HIPK2: variants seen among roughly 807,000 people sequenced by gnomAD.
The protein encoded by HIPK2 is homeodomain interacting protein kinase 2.
HIPK2 carries 27 observed loss-of-function variants against 113.7 expected under a neutral mutation model. That is an observed-to-expected ratio of 0.24 (90% CI 0.17 to 0.33). The LOEUF is 0.33. Among genes scored for constraint, HIPK2 ranks in the 10% least tolerant of loss-of-function variants. The probability of loss-of-function intolerance (pLI) is 1.00; values close to 1 mark genes in which losing one functional copy is unlikely to be tolerated. For synonymous variants in HIPK2, 631 were observed against 642.2 expected (o/e 0.98, Z 0.26); for missense variants, 1,257 against 1,588.0 (o/e 0.79, Z 3.54).
At chr7:139,754,754 C>G (rs2117120516) in intron 1 of HIPK2, among the ~76,000 whole-genome samples, 1 of 152,292 alleles carries the variant, frequency 6.6e-6, no homozygotes, top group South Asian at 2.1e-4. Flanking sequence ...TGTCACACAG[C>G]AGCCTCCGTG....
chr7:139,620,621 G>A lies in HIPK2; in HGVS notation c.1620-58C>T, dbSNP rs181196643. 151 of 1,587,424 alleles carry A rather than the reference G, an allele frequency of 9.5e-5. 1 individual carries two copies. In the African/African-American group the frequency reaches 1.7e-3, roughly 18 times the overall value. Reference sequence around the variant, plus strand: ...CATAAGGGGAGGGGAAGAGGGTAACGTGGGATGAAGGGGAGAAAACAAAGG... The same window carrying A: ...CATAAGGGGAGGGGAAGAGGGTAACATGGGATGAAGGGGAGAAAACAAAGG... On this transcript the variant is annotated intron_variant, in intron 6 of 14. Transcript: ENST00000406875.
chr7:139,628,004 G>C (rs970073364), intron 5 of HIPK2, among the ~76,000 whole-genome samples: 2 of 152,164 alleles, frequency 1.3e-5, no homozygotes, highest in African/African-American at 4.8e-5. Context: ...GGTCATACTC[G>C]ATTAGGGTGG....
At position 139,600,600 on chromosome 7, in the gene HIPK2, A is replaced by C. The variant is rs1355245159; in HGVS notation, c.2256-4T>G. 2 of 1,613,504 alleles carry C rather than the reference A, an allele frequency of 1.2e-6. No individual in the cohort carries two copies. The highest frequency in any genetic ancestry group is 1.7e-6 in the Non-Finnish European group (2 of 1,179,516). Reference sequence around the variant, plus strand: ...GCTTCCGTGAGCATGCGTATTTCTGAAAGGCAACCGGGACAACAAGGTGCC... The same window carrying C: ...GCTTCCGTGAGCATGCGTATTTCTGCAAGGCAACCGGGACAACAAGGTGCC... On this transcript the variant is annotated splice_polypyrimidine_tract_variant and splice_region_variant and intron_variant, in intron 10 of 14. Transcript: ENST00000406875.
chr7:139,623,814 C>G (rs1023362590), intron 6 of HIPK2, among the ~76,000 whole-genome samples: 1 of 152,134 alleles, frequency 6.6e-6, no homozygotes, highest in African/African-American at 2.4e-5. Flanking sequence ...CAGCAGGGCC[C>G]GCCATGATAC....
chr7:139,737,550 G>A (rs1242204608), intron 1 of HIPK2, among the ~76,000 whole-genome samples: 2 of 152,234 alleles, frequency 1.3e-5, no homozygotes, highest in Admixed American at 6.5e-5. Flanking sequence ...GCTGAAAATC[G>A]CTAGAAGCCC....
intron 9 of HIPK2, among the ~76,000 whole-genome samples, chr7:139,605,447 A>G (rs992756882): frequency 4.6e-5 from 7 of 152,158 alleles, no homozygotes; most frequent in African/African-American, 1.7e-4. Flanking sequence ...TCTTTCTATC[A>G]GAGTGGATGT....
At position 139,613,372 on chromosome 7, in the gene HIPK2, A is replaced by T. The variant is rs1799907177; in HGVS notation, c.1991-49T>A. 6.2e-7 allele frequency: 1 copy of T among 1,601,008 alleles called. No homozygotes were observed. The highest frequency in any genetic ancestry group is 8.5e-7 in the Non-Finnish European group (1 of 1,173,404). ...AGAAGGGTTAGCTGAGACGCTGTGA[A>T]CAGCTGGATGAAAAGAACCTTCCTG... On this transcript the variant is annotated intron_variant, in intron 8 of 14. Coordinates refer to ENST00000406875, the MANE Select transcript of HIPK2 (RefSeq NM_022740.5). This position sits in a 1 kb window ranked among gnomAD's most constrained non-coding sequence, Gnocchi z 4.2.
chr7:139,741,463 T>C (rs1019415936), intron 1 of HIPK2, among the ~76,000 whole-genome samples: 18 of 152,316 alleles, frequency 1.2e-4, no homozygotes, highest in Admixed American at 1.3e-4. Context: ...GCATTATTTT[T>C]GTTTTTGAAG....
At chr7:139,671,312 A>AT (rs1802286784) in intron 2 of HIPK2, among the ~76,000 whole-genome samples, 1 of 152,218 alleles carries the variant, frequency 6.6e-6, no homozygotes, top group Non-Finnish European at 1.5e-5. Context: ...AGAAATAGTA[A>AT]TTATACCAAA....
intron 2 of HIPK2, among the ~76,000 whole-genome samples, chr7:139,668,168 A>G (rs1802123479): frequency 6.6e-6 from 1 of 151,574 alleles, no homozygotes; most frequent in African/African-American, 2.4e-5. Flanking sequence ...AGTTACCTGC[A>G]TATGATATGC....
intron 2 of HIPK2, among the ~76,000 whole-genome samples, chr7:139,662,723 G>A (rs939509750): frequency 4.0e-5 from 6 of 151,160 alleles, no homozygotes; most frequent in South Asian, 2.1e-4. Context: ...GGGTTCAAGC[G>A]TTACTCCTAC....
chr7:139,584,040 G>GT lies in HIPK2; in HGVS notation c.2741dup (p.Asn914LysfsTer38). 6.3e-7 allele frequency: 1 copy of GT among 1,599,742 alleles called. No individual in the cohort carries two copies. Among genetic ancestry groups the GT allele is most frequent in the Non-Finnish European group, 8.5e-7 (1 of 1,171,470 alleles). On this transcript the variant is annotated frameshift_variant, in exon 13 of 15. Coordinates refer to ENST00000406875, the MANE Select transcript of HIPK2 (RefSeq NM_022740.5). LOFTEE classifies it high-confidence loss of function. ...CGTGGACTGTGACACAGCTGATGAC[G>GT]TTTTTTCTTTGCTTGGAGACAGTGC...
chr7:139,602,133 A>G (rs1799450500), intron 10 of HIPK2, among the ~76,000 whole-genome samples: 1 of 151,950 alleles, frequency 6.6e-6, no homozygotes, highest in Admixed American at 6.5e-5. Context: ...TTGTATTTTT[A>G]GTAGAGGCGG....
chr7:139,593,662 G>A (rs925052569), intron 12 of HIPK2, among the ~76,000 whole-genome samples: 1 of 152,198 alleles, frequency 6.6e-6, no homozygotes, highest in African/African-American at 2.4e-5. Flanking sequence ...GCCATGTTAG[G>A]GGAATTAACC....
At chr7:139,764,236 C>T (rs544780856) in intron 1 of HIPK2, among the ~76,000 whole-genome samples, 15 of 152,330 alleles carry the variant, frequency 9.8e-5, no homozygotes, top group South Asian at 2.1e-4. Flanking sequence ...ATTACACCAA[C>T]GAAACTGATA....
chr7:139,629,865 A>C (rs1800552256), intron 4 of HIPK2, among the ~76,000 whole-genome samples: 1 of 152,104 alleles, frequency 6.6e-6, no homozygotes, highest in Admixed American at 6.6e-5. Context: ...CCTCCACCGG[A>C]GGACTCTTTT....
In HIPK2 at chr7:139,631,875, A is replaced by C; in HGVS notation, c.1104-150T>G. The C allele has an allele frequency of 1.0e-6, 1 of 983,628 alleles. No homozygotes were observed. Among genetic ancestry groups the C allele is most frequent in the Non-Finnish European group, 1.4e-6 (1 of 693,884 alleles). The allele number at this position is 983,628 out of a possible 1,614,324, so 60.9% of individuals were successfully genotyped here. On this transcript the variant is annotated intron_variant, in intron 2 of 14. Coordinates refer to ENST00000406875, the MANE Select transcript of HIPK2 (RefSeq NM_022740.5). The surrounding 1 kb of genome is among the most constrained non-coding windows in gnomAD (Gnocchi z 4.9). The stretch of plus-strand genomic sequence containing the variant: ...TCAGGAGAGGCGCTGTGCTACAACA[A>C]TCCTTCCATTCTTTGGCTTGGTCCC...
intron 1 of HIPK2, among the ~76,000 whole-genome samples, chr7:139,751,599 G>A (rs1001999646): frequency 4.2e-5 from 5 of 118,452 alleles, no homozygotes; most frequent in South Asian, 2.4e-4. Context: ...TAGATGGATG[G>A]ATGGATGGAT....
chr7:139,692,163 T>G (rs1172596942), intron 2 of HIPK2, among the ~76,000 whole-genome samples: 1 of 152,244 alleles, frequency 6.6e-6, no homozygotes, highest in Non-Finnish European at 1.5e-5. Flanking sequence ...CTGGTGCAGT[T>G]TCTAATTCTG....
Sources: allele counts gnomAD v4.1 joint callset (sites outside exome capture counted in the v4.1 genomes callset), GRCh38; gene constraint gnomAD v4.1.1; non-coding constraint Gnocchi (gnomAD v3.1); transcripts MANE v1.5; gene names NCBI Gene and HGNC (gene_info 2026-07-23, HGNC 2026-07-21).